Variants in DNAJC17 observed in about 807,000 individuals in gnomAD.
DNAJC17 encodes dnaJ homolog subfamily C member 17.
In DNAJC17, 35 loss-of-function variants were observed where a neutral mutation model predicts 48.1. The observed-to-expected ratio is 0.73, with a 90% CI of 0.56 to 0.96. The LOEUF is 0.96. Among genes scored for constraint, DNAJC17 ranks in the 50% least tolerant of loss-of-function variants. The probability of loss-of-function intolerance (pLI) is 0.00; values close to 1 mark genes in which losing one functional copy is unlikely to be tolerated. For synonymous variants in DNAJC17, 117 were observed against 142.7 expected (o/e 0.82, Z 1.28); for missense variants, 355 against 377.1 (o/e 0.94, Z 0.48).
chr15:40,784,819 C>T (rs893521542), intron 1 of DNAJC17, among the ~76,000 whole-genome samples: 1 of 152,110 alleles, frequency 6.6e-6, no homozygotes, highest in East Asian at 1.9e-4. Flanking sequence ...ATCTCTGGGC[C>T]GGGCGTGTTG....
chr15:40,775,370 G>T, intron 7 of DNAJC17, 183 bp downstream of exon 7: 1 of 783,560 alleles, frequency 1.3e-6, no homozygotes. Context: ...AGGGCTAAAA[G>T]CAGCCTTTCG....
rs543435023 is a variant in DNAJC17, at chr15:40,770,453, C to T, written c.793-2391G>A. 1 of 1,514,084 alleles carries T rather than the reference C, an allele frequency of 6.6e-7. No homozygotes were observed. Among genetic ancestry groups the T allele is most frequent in the African/African-American group, 1.4e-5 (1 of 72,276 alleles). 93.8% of individuals were successfully genotyped at this position (1,514,084 alleles called of 1,614,324 possible). On this transcript the variant is annotated intron_variant, in intron 10 of 10. Coordinates refer to ENST00000220496, the MANE Select transcript of DNAJC17 (RefSeq NM_018163.3). This position sits in a 1 kb window ranked among gnomAD's most constrained non-coding sequence, Gnocchi z 5.0. Reference sequence around the variant, plus strand: ...TGCCCCAGCAGGGACCACATGCACCCTGGCTGCTCCTGAACACCTGTCTGC... The same window carrying T: ...TGCCCCAGCAGGGACCACATGCACCTTGGCTGCTCCTGAACACCTGTCTGC...
chr15:40,770,425 C>A lies in DNAJC17; in HGVS notation c.793-2363G>T. 1 of 1,432,668 alleles carries A rather than the reference C, an allele frequency of 7.0e-7. No individual in the cohort carries two copies. The allele number at this position is 1,432,668 out of a possible 1,614,324, so 88.7% of individuals were successfully genotyped here. ...GGGAGCCTCCCCAGCTGCTGGCACT[C>A]ACTGCCCCAGCAGGGACCACATGCA... On this transcript the variant is annotated intron_variant, in intron 10 of 10. Coordinates refer to ENST00000220496, the MANE Select transcript of DNAJC17 (RefSeq NM_018163.3). The surrounding 1 kb of genome is among the most constrained non-coding windows in gnomAD (Gnocchi z 5.0).
Position 40,767,472 on chromosome 15 carries a change from CCCA to C in DNAJC17, c.*465_*467del. 1 of 1,171,496 alleles carries C rather than the reference CCCA, an allele frequency of 8.5e-7. No individual in the cohort carries two copies. The highest frequency in any genetic ancestry group is 1.6e-5 in the South Asian group (1 of 60,704). 72.6% of individuals were successfully genotyped at this position (1,171,496 alleles called of 1,614,324 possible). ...CTTCCCAAATCATCACCGCCATGGG[CCCA>C]GCCCCAAAGGGCAGTGAATGGCCTT... On this transcript the variant is annotated 3_prime_UTR_variant, in exon 11 of 11. Coordinates refer to ENST00000220496, the MANE Select transcript of DNAJC17 (RefSeq NM_018163.3).
intron 9 of DNAJC17, among the ~76,000 whole-genome samples, chr15:40,774,040 G>A (rs574358006): frequency 8.5e-5 from 13 of 152,304 alleles, no homozygotes; most frequent in South Asian, 4.1e-4. Context: ...GTGGGGAGGC[G>A]AGGAGCACAA....
At chr15:40,803,121 A>G (rs1282561396) in intron 1 of DNAJC17, among the ~76,000 whole-genome samples, 3 of 150,916 alleles carry the variant, frequency 2.0e-5, no homozygotes, top group Non-Finnish European at 4.4e-5. Flanking sequence ...AAAAAGAAAA[A>G]AAAAGTCCTC....
intron 1 of DNAJC17, 178 bp downstream of exon 1, chr15:40,807,180 TCCTCTTGAGGC>T: frequency 7.1e-7 from 1 of 1,410,978 alleles, no homozygotes; most frequent in Non-Finnish European, 9.4e-7. Context: ...GTACCCCGCT[TCCTCTTGAGGC>T]CCTCGGACCG....
In DNAJC17 at chr15:40,767,037, A is replaced by T. The variant is rs538713771; in HGVS notation, c.*903T>A. ...CTTCACTAGCTTGTTGGGAAGAATAAATGAGATAGCTCGTGAAGTACCTAG... is the reference window on the plus strand; with the variant it reads ...CTTCACTAGCTTGTTGGGAAGAATATATGAGATAGCTCGTGAAGTACCTAG... On this transcript the variant is annotated 3_prime_UTR_variant, in exon 11 of 11. Coordinates refer to ENST00000220496, the MANE Select transcript of DNAJC17 (RefSeq NM_018163.3). 6.4e-6 allele frequency: 3 copies of T among 469,994 alleles called. No homozygotes were observed. The highest frequency in any genetic ancestry group is 7.6e-5 in the Admixed American group (2 of 26,158). 29.1% of individuals were successfully genotyped at this position (469,994 alleles called of 1,614,324 possible).
chr15:40,779,920 A>G lies in DNAJC17; in HGVS notation c.148+8T>C, dbSNP rs1303121305. 1 of 1,613,484 alleles carries G rather than the reference A, an allele frequency of 6.2e-7. No homozygotes were observed. Reference sequence around the variant, plus strand: ...TTCTTTCTCCCCACGCCCTGAGAAGAGTCTCACCTGCTCTGGGATTATCTG... The same window carrying G: ...TTCTTTCTCCCCACGCCCTGAGAAGGGTCTCACCTGCTCTGGGATTATCTG... On this transcript the variant is annotated splice_region_variant and intron_variant, in intron 2 of 10. Transcript: ENST00000220496.
At chr15:40,776,111 C>A (rs915203364) in intron 6 of DNAJC17, 85 bp downstream of exon 6, 1 of 1,317,986 alleles carries the variant, frequency 7.6e-7, no homozygotes. Context: ...GCCTCCACAG[C>A]AGCTCCACCG....
intron 1 of DNAJC17, among the ~76,000 whole-genome samples, chr15:40,793,265 A>AT (rs1889858196): frequency 6.6e-6 from 1 of 152,176 alleles, no homozygotes; most frequent in Non-Finnish European, 1.5e-5. Flanking sequence ...CACCAGTCAT[A>AT]TAAATCATGT....
chr15:40,765,885 TG>T lies in DNAJC17; in HGVS notation c.*2054del. On this transcript the variant is annotated 3_prime_UTR_variant, in exon 11 of 11. Coordinates refer to ENST00000220496, the MANE Select transcript of DNAJC17 (RefSeq NM_018163.3). ...TCGGATCCAGAGCTGATGCAGCATC[TG>T]GGGGCTTCAAAGAGAAGAGCCTTGG... 1 of 1,583,138 alleles carries T rather than the reference TG, an allele frequency of 6.3e-7. No individual in the cohort carries two copies.
intron 1 of DNAJC17, among the ~76,000 whole-genome samples, chr15:40,790,566 G>A (rs1237841258): frequency 1.3e-5 from 2 of 152,076 alleles, no homozygotes; most frequent in Admixed American, 6.6e-5. Flanking sequence ...GCGACACAGC[G>A]AGACTCTCTT....
chr15:40,777,730 AAAAG>A (rs1166753665), intron 4 of DNAJC17, among the ~76,000 whole-genome samples: 1 of 152,130 alleles, frequency 6.6e-6, no homozygotes, highest in Non-Finnish European at 1.5e-5. Context: ...GAAAAAAAAA[AAAAG>A]AGTGCTTGGA....
At chr15:40,776,097 A>C (rs1889310207) in intron 6 of DNAJC17, 99 bp downstream of exon 6, 2 of 1,126,620 alleles carry the variant, frequency 1.8e-6, no homozygotes, top group Non-Finnish European at 2.6e-6. Context: ...TCCAGCAGGT[A>C]GAAGCCTCCA....
chr15:40,767,874 A>G lies in DNAJC17; in HGVS notation c.*66T>C. 1 of 1,496,316 alleles carries G rather than the reference A, an allele frequency of 6.7e-7. No individual in the cohort carries two copies. Among genetic ancestry groups the G allele is most frequent in the Non-Finnish European group, 9.1e-7 (1 of 1,103,916 alleles). The allele number at this position is 1,496,316 out of a possible 1,614,324, so 92.7% of individuals were successfully genotyped here. On this transcript the variant is annotated 3_prime_UTR_variant, in exon 11 of 11. Coordinates refer to ENST00000220496, the MANE Select transcript of DNAJC17 (RefSeq NM_018163.3). ...TGTATGGGATAGAGGTAAAATCTTA[A>G]AAAAAAAAAAAATTTATTGGTGACG...
chr15:40,779,746 G>A (rs1889428754), intron 2 of DNAJC17, 143 bp from the exon 3 acceptor site: 1 of 1,115,500 alleles, frequency 9.0e-7, no homozygotes, highest in Non-Finnish European at 1.3e-6. Flanking sequence ...CCAACAAGGA[G>A]GGGTGAGCAT....
intron 9 of DNAJC17, 62 bp from the exon 10 acceptor site, chr15:40,773,899 T>G: frequency 7.0e-7 from 1 of 1,433,666 alleles, no homozygotes; most frequent in Admixed American, 2.0e-5. Context: ...AGGCTCTCTC[T>G]ACCCCCACAG....
At chr15:40,783,193 T>C (rs1443952573) in intron 1 of DNAJC17, among the ~76,000 whole-genome samples, 1 of 152,222 alleles carries the variant, frequency 6.6e-6, no homozygotes, top group African/African-American at 2.4e-5. Context: ...ATATTTTATA[T>C]TTCAGGGCCC....
Sources: gnomAD v4.1 joint callset for allele counts (sites outside exome capture counted in the v4.1 genomes callset) on GRCh38, gnomAD v4.1.1 for gene constraint, Gnocchi (gnomAD v3.1) non-coding constraint, MANE v1.5 for transcripts, NCBI Gene and HGNC (gene_info 2026-07-23, HGNC 2026-07-21) for gene names.